SEMA4F: variants seen among roughly 807,000 people sequenced by gnomAD.
The protein encoded by SEMA4F is ssemaphorin 4F, also known as semaphorin-4F.
In SEMA4F, 51 loss-of-function variants were observed where a neutral mutation model predicts 78.4. That is an observed-to-expected ratio of 0.65 (90% CI 0.52 to 0.82). The LOEUF (loss-of-function observed/expected upper bound fraction) is 0.82, where lower values mean the gene tolerates loss of function less well. Ranked by LOEUF, SEMA4F falls within the 40% of genes least tolerant of loss-of-function variation. SEMA4F has a pLI of 0.00. For synonymous variants in SEMA4F, 418 were observed against 408.7 expected (o/e 1.02, Z -0.27); for missense variants, 938 against 1,014.4 (o/e 0.92, Z 1.02).
intron 5 of SEMA4F, among the ~76,000 whole-genome samples, chr2:74,664,727 A>G (rs1015298156): frequency 6.6e-6 from 1 of 152,142 alleles, no homozygotes; most frequent in African/African-American, 2.4e-5. Flanking sequence ...GTGAAGTTGA[A>G]TGTTCTTCAT....
intron 1 of SEMA4F, 81 bp downstream of exon 1, chr2:74,654,602 C>T: frequency 2.4e-6 from 3 of 1,265,602 alleles, no homozygotes; most frequent in Non-Finnish European, 3.1e-6. Flanking sequence ...ACCGCTCGGC[C>T]GGACCCGGGC....
chr2:74,694,677 G>A, the SEMA4F span, among the ~76,000 whole-genome samples: 15 of 152,182 alleles, frequency 9.9e-5, no homozygotes, highest in African/African-American at 3.6e-4. Flanking sequence ...TAACAGCTCT[G>A]TGTTGCTATC....
chr2:74,663,150 G>A (rs1377216764), intron 5 of SEMA4F, among the ~76,000 whole-genome samples: 4 of 152,064 alleles, frequency 2.6e-5, no homozygotes, highest in African/African-American at 9.7e-5. Context: ...TAATAAATTT[G>A]GAAAAAGTAT....
chr2:74,686,575 A>G (rs1337842173), downstream of SEMA4F, among the ~76,000 whole-genome samples: 1 of 152,238 alleles, frequency 6.6e-6, no homozygotes, highest in Non-Finnish European at 1.5e-5. Context: ...AGACACGTGC[A>G]CACGTATGTT....
rs1684013739 is a variant in SEMA4F, at chr2:74,654,509, C to T, written c.133C>T (p.Leu45Phe). ...RVPRSVPRTS[L>F]PISEADSCLT... ...CCCCCGCTCGGTGCCCAGAACCTCG[C>T]TTCCAATCTCTGGTAAGGCGCGGAC... Residue 45 changes from leucine (L) to phenylalanine (F), a missense_variant, in exon 1 of 14, where the codon CTT (leucine) becomes TTT (phenylalanine). Coordinates refer to ENST00000357877, the MANE Select transcript of SEMA4F (RefSeq NM_004263.5). The T allele has an allele frequency of 1.3e-6, 2 of 1,567,958 alleles. No individual in the cohort carries two copies. The highest frequency in any genetic ancestry group is 1.4e-5 in the African/African-American group (1 of 70,988).
In SEMA4F at chr2:74,654,398, C is replaced by T; in HGVS notation, c.22C>T (p.Pro8Ser). 1 of 1,525,340 alleles carries T rather than the reference C, an allele frequency of 6.6e-7. No individual in the cohort carries two copies. Among genetic ancestry groups the T allele is most frequent in the South Asian group, 1.2e-5 (1 of 82,610 alleles). The allele number at this position is 1,525,340 out of a possible 1,614,324, so 94.5% of individuals were successfully genotyped here. Residue 8 changes from proline (P) to serine (S), a missense_variant, in exon 1 of 14, where the codon CCC becomes TCC. By Grantham distance (74) the Pro-to-Ser change is moderately conservative. Coordinates refer to ENST00000357877, the MANE Select transcript of SEMA4F (RefSeq NM_004263.5). MPASAAR[P>S]RPGPGQPTAS... ...AAAGATGCCGGCCTCTGCTGCGCGG[C>T]CCCGCCCGGGTCCCGGGCAGCCTAC...
chr2:74,698,362 T>TATGGG, the SEMA4F span, among the ~76,000 whole-genome samples: 2 of 152,170 alleles, frequency 1.3e-5, no homozygotes, highest in South Asian at 4.1e-4. Flanking sequence ...TGATACATAT[T>TATGGG]ATGGGATGGG....
chr2:74,691,677 G>T, the SEMA4F span, among the ~76,000 whole-genome samples: 1 of 152,174 alleles, frequency 6.6e-6, no homozygotes, highest in Non-Finnish European at 1.5e-5. Flanking sequence ...AAATAACCAA[G>T]CTAGGTAGAA....
the SEMA4F span, among the ~76,000 whole-genome samples, chr2:74,694,161 T>C: frequency 6.6e-6 from 1 of 152,318 alleles, no homozygotes; most frequent in East Asian, 1.9e-4. Flanking sequence ...TGTGCATGTG[T>C]GTGTGCGTGC....
chr2:74,705,286 C>A, the SEMA4F span, among the ~76,000 whole-genome samples: 1 of 152,156 alleles, frequency 6.6e-6, no homozygotes, highest in Admixed American at 6.5e-5. Flanking sequence ...TTTATCCTAG[C>A]AATTCCACTC....
At chr2:74,665,097 A>G (rs1166232571) in intron 5 of SEMA4F, among the ~76,000 whole-genome samples, 1 of 151,946 alleles carries the variant, frequency 6.6e-6, no homozygotes, top group Non-Finnish European at 1.5e-5. Flanking sequence ...ATTTTTACCT[A>G]TATTTTTGGG....
chr2:74,664,061 T>C (rs1238504169), intron 5 of SEMA4F, among the ~76,000 whole-genome samples: 1 of 152,228 alleles, frequency 6.6e-6, no homozygotes, highest in Non-Finnish European at 1.5e-5. Flanking sequence ...GTCTAATTTA[T>C]TAGCAGCCAC....
In SEMA4F at chr2:74,675,509, C is replaced by A; in HGVS notation, c.1373-16C>A. ...GGCAATTATGTAATTATTCTTGTTC[C>A]TTTCCTGTCCCCTAGAGGATGGACA... On this transcript the variant is annotated splice_polypyrimidine_tract_variant and intron_variant, in intron 10 of 13. Coordinates refer to ENST00000357877, the MANE Select transcript of SEMA4F (RefSeq NM_004263.5). The A allele has an allele frequency of 6.2e-7, 1 of 1,611,498 alleles. No homozygotes were observed. Among genetic ancestry groups the A allele is most frequent in the Non-Finnish European group, 8.5e-7 (1 of 1,177,588 alleles).
the SEMA4F span, among the ~76,000 whole-genome samples, chr2:74,705,033 TGGG>T: frequency 2.0e-5 from 3 of 152,192 alleles, no homozygotes; most frequent in Non-Finnish European, 4.4e-5. Flanking sequence ...AATGTGCAGA[TGGG>T]TTTGGTGTGA....
chr2:74,657,874 C>G lies in SEMA4F; in HGVS notation c.379C>G (p.Gln127Glu), dbSNP rs558907797. Residue 127 changes from glutamine to glutamate, a missense_variant, in exon 4 of 14, where the codon CAG (glutamine) becomes GAG (glutamate). By Grantham distance (29) the Gln-to-Glu change is conservative. Coordinates refer to ENST00000357877, the MANE Select transcript of SEMA4F (RefSeq NM_004263.5). ...KKEDECHNFV[Q>E]ILAIANASHL... ...CCAGGACGAATGTCACAATTTTGTC[C>G]AGATTCTCGCCATTGCCAATGCCTC... 6 of 1,614,204 alleles carry G rather than the reference C, an allele frequency of 3.7e-6. No homozygotes were observed. Among genetic ancestry groups the G allele is most frequent in the Non-Finnish European group, 5.1e-6 (6 of 1,180,022 alleles).
chr2:74,689,469 G>A, the SEMA4F span, among the ~76,000 whole-genome samples: 1 of 152,088 alleles, frequency 6.6e-6, no homozygotes, highest in Non-Finnish European at 1.5e-5. Context: ...ACTTTAAAGT[G>A]TATATATCAT....
chr2:74,691,972 C>T, the SEMA4F span, among the ~76,000 whole-genome samples: 1 of 152,264 alleles, frequency 6.6e-6, no homozygotes, highest in East Asian at 1.9e-4. Context: ...GTAACAGTGT[C>T]CAGCCTTACG....
rs755938310 is a variant in SEMA4F at position 74,674,548 on chromosome 2, G to A, written c.873G>A (p.Leu291=). The change falls in exon 8 of 14, where the codon TTG becomes TTA. Residue 291 remains leucine (L), a synonymous_variant. Coordinates refer to ENST00000357877, the MANE Select transcript of SEMA4F (RefSeq NM_004263.5). The part of the protein sequence containing the change: ...KTLQQRWTTF[L]KADLLCPGPE... ...TCCAGCAGAGATGGACGACGTTTTTGAAAGCTGACCTGCTCTGTCCAGGGC... is the reference window on the plus strand; with the variant it reads ...TCCAGCAGAGATGGACGACGTTTTTAAAAGCTGACCTGCTCTGTCCAGGGC... The A allele has an allele frequency of 6.8e-6, 11 of 1,614,116 alleles. 2 individuals carry two copies. The South Asian group carries it at 9.9e-5, about 15-fold the overall frequency.
rs531843574 is a variant in SEMA4F at position 74,679,720 on chromosome 2, C to T, written c.1824C>T (p.Thr608=). 19 of 1,614,154 alleles carry T rather than the reference C, an allele frequency of 1.2e-5. No homozygotes were observed. The Admixed American group carries it at 2.2e-4, about 18-fold the overall frequency. The change falls in exon 14 of 14, where the codon ACC becomes ACT. Residue 608 remains threonine, a synonymous_variant. Coordinates refer to ENST00000357877, the MANE Select transcript of SEMA4F (RefSeq NM_004263.5). ...WHQPSGVTAL[T]PRRDGLEVVV... ...AGCCCAGTGGAGTGACTGCACTCAC[C>T]CCCCGGCGGGATGGACTGGAGGTGG...
Sources: allele counts gnomAD v4.1 joint callset (sites outside exome capture counted in the v4.1 genomes callset), GRCh38; gene constraint gnomAD v4.1.1; transcripts MANE v1.5; gene names NCBI Gene and HGNC (gene_info 2026-07-23, HGNC 2026-07-21).